Variants in GRIK1 observed in about 807,000 individuals in gnomAD.
GRIK1 encodes the protein glutamate receptor ionotropic, kainate 1.
A neutral mutation model predicts 105.7 loss-of-function variants in GRIK1; 69 were observed. The observed-to-expected ratio is 0.65, with a 90% CI of 0.54 to 0.80. The LOEUF is 0.80. GRIK1 is among the 30% of genes least tolerant of loss of function. The pLI, the probability that GRIK1 is intolerant of heterozygous loss-of-function variation, is 0.00. For synonymous variants in GRIK1, 438 were observed against 431.3 expected, an observed-to-expected ratio of 1.02 and a Z score of -0.19; for missense variants, 1,109 against 1,167.3, an observed-to-expected ratio of 0.95 and a Z score of 0.73.
At chr21:29,872,768 T>A (rs906207131) in intron 1 of GRIK1, among the ~76,000 whole-genome samples, 1 of 152,140 alleles carries the variant, frequency 6.6e-6, no homozygotes, top group Non-Finnish European at 1.5e-5. Context: ...TCAGATCTCA[T>A]GAGACTTACT....
At chr21:29,630,254 T>G (rs1426647973) in intron 7 of GRIK1, among the ~76,000 whole-genome samples, 1 of 152,118 alleles carries the variant, frequency 6.6e-6, no homozygotes, top group Non-Finnish European at 1.5e-5. Flanking sequence ...TTTGACACTA[T>G]ATAGTTGTGG....
At chr21:29,717,793 T>A (rs1344676994) in intron 1 of GRIK1, among the ~76,000 whole-genome samples, 2 of 152,164 alleles carry the variant, frequency 1.3e-5, no homozygotes, top group Admixed American at 6.5e-5. Context: ...AAAGGCATGA[T>A]CATGTTTTGA....
intron 15 of GRIK1, among the ~76,000 whole-genome samples, chr21:29,556,188 T>A (rs2090251019): frequency 6.6e-6 from 1 of 152,216 alleles, no homozygotes; most frequent in African/African-American, 2.4e-5. Flanking sequence ...AAGGATTGTA[T>A]GTTACATGCA....
At chr21:29,778,125 T>G (rs2065997365) in intron 1 of GRIK1, among the ~76,000 whole-genome samples, 1 of 152,172 alleles carries the variant, frequency 6.6e-6, no homozygotes. Flanking sequence ...TAGCGTGCAG[T>G]TCTCCTACCT....
intron 6 of GRIK1, among the ~76,000 whole-genome samples, chr21:29,645,751 T>C (rs1330937321): frequency 6.6e-6 from 1 of 152,230 alleles, no homozygotes; most frequent in Admixed American, 6.5e-5. Context: ...GGTAATGTAA[T>C]AGAAACTGGC....
chr21:29,712,079 T>TACACAC (rs1340092106), intron 1 of GRIK1, among the ~76,000 whole-genome samples: 34 of 30,338 alleles, frequency 1.1e-3, no homozygotes, highest in East Asian at 2.0e-3. Context: ...TATGTATACA[T>TACACAC]ACATACACAC....
At chr21:29,920,032 G>T (rs2071139094) in intron 1 of GRIK1, among the ~76,000 whole-genome samples, 1 of 152,116 alleles carries the variant, frequency 6.6e-6, no homozygotes, top group Non-Finnish European at 1.5e-5. Flanking sequence ...TCTCCCTGAG[G>T]CAGAATAGAA....
chr21:29,561,566 T>C (rs2090480038), intron 15 of GRIK1, 58 bp downstream of exon 15: 2 of 1,170,766 alleles, frequency 1.7e-6, no homozygotes. Context: ...CCCATTGCCT[T>C]CTATACTGGT....
intron 7 of GRIK1, among the ~76,000 whole-genome samples, chr21:29,607,766 CTAGT>C (rs1398783736): frequency 6.6e-6 from 1 of 152,034 alleles, no homozygotes; most frequent in Non-Finnish European, 1.5e-5. Flanking sequence ...TGAAAAGAGG[CTAGT>C]TAATCTGAAC....
chr21:29,602,274 AAC>A (rs2061533454), intron 7 of GRIK1, among the ~76,000 whole-genome samples: 1 of 152,178 alleles, frequency 6.6e-6, no homozygotes. Context: ...TAAAACATAA[AAC>A]ACAGTTGTTA....
intron 7 of GRIK1, among the ~76,000 whole-genome samples, chr21:29,620,272 T>C (rs1273933876): frequency 6.6e-6 from 1 of 152,196 alleles, no homozygotes; most frequent in Non-Finnish European, 1.5e-5. Flanking sequence ...GGATATTAAC[T>C]GAGACGTAAC....
intron 4 of GRIK1, among the ~76,000 whole-genome samples, chr21:29,668,503 T>C (rs2063101876): frequency 6.6e-6 from 1 of 152,210 alleles, no homozygotes; most frequent in Non-Finnish European, 1.5e-5. Context: ...GAGCATCGGA[T>C]ACTGGAGGCC....
intron 1 of GRIK1, among the ~76,000 whole-genome samples, chr21:29,709,444 C>T (rs1449661858): frequency 6.6e-6 from 1 of 151,924 alleles, no homozygotes; most frequent in African/African-American, 2.4e-5. Flanking sequence ...CCATGCCCGG[C>T]TAATTTTTGT....
At chr21:29,587,997 C>A (rs1428126416) in intron 11 of GRIK1, among the ~76,000 whole-genome samples, 1 of 52,568 alleles carries the variant, frequency 1.9e-5, no homozygotes, top group African/African-American at 9.7e-5. Flanking sequence ...TTTTGTGAGG[C>A]GGAGTCTCAC....
At chr21:29,866,608 ATCTAAAATTGGGAAGTGAAAACAAAAG>A (rs1174904780) in intron 1 of GRIK1, among the ~76,000 whole-genome samples, 1 of 152,148 alleles carries the variant, frequency 6.6e-6, no homozygotes, top group Non-Finnish European at 1.5e-5. Context: ...GGACTTTTGG[ATCTAAAATTGGGAAGTGAAAACAAAAG>A]AAGTGGGGAT....
chr21:29,570,453 G>T (rs183473658), intron 14 of GRIK1, among the ~76,000 whole-genome samples: 9 of 151,146 alleles, frequency 6.0e-5, no homozygotes, highest in Admixed American at 1.3e-4. Flanking sequence ...AGTGAGCCAA[G>T]ATCGCACCAT....
chr21:29,894,640 A>G (rs73188511), intron 1 of GRIK1, among the ~76,000 whole-genome samples: 17 of 152,264 alleles, frequency 1.1e-4, no homozygotes, highest in Middle Eastern at 3.4e-3. Flanking sequence ...GCGTCCTTCA[A>G]TCCAATGAAG....
intron 8 of GRIK1, 130 bp downstream of exon 8, chr21:29,598,700 A>T: frequency 1.9e-6 from 1 of 528,462 alleles, no homozygotes; most frequent in East Asian, 3.1e-5. Flanking sequence ...AAAGAGAGAT[A>T]AAAAACTGGA....
intron 2 of GRIK1, among the ~76,000 whole-genome samples, chr21:29,690,239 G>C (rs867176938): frequency 3.9e-5 from 6 of 152,168 alleles, no homozygotes; most frequent in Non-Finnish European, 8.8e-5. Flanking sequence ...CCAACTCCCT[G>C]CTGGTCTCAC....
Sources: gnomAD v4.1 joint callset for allele counts (sites outside exome capture counted in the v4.1 genomes callset) on GRCh38, gnomAD v4.1.1 for gene constraint, MANE v1.5 for transcripts, NCBI Gene and HGNC (gene_info 2026-07-23, HGNC 2026-07-21) for gene names.